RANBP2: variants seen among roughly 807,000 people sequenced by gnomAD.
The protein encoded by RANBP2 is E3 SUMO-protein ligase RanBP2.
In RANBP2, 57 loss-of-function variants were observed where a neutral mutation model predicts 303.6. The observed-to-expected ratio is 0.19, with a 90% CI of 0.15 to 0.23. RANBP2 has a LOEUF of 0.23. Ranked by LOEUF, RANBP2 falls within the 10% of genes least tolerant of loss-of-function variation. The pLI is 1.00. For synonymous variants in RANBP2, 1,167 were observed against 1,301.5 expected, an observed-to-expected ratio of 0.90 and a Z score of 2.23; for missense variants, 3,138 against 3,780.8, an observed-to-expected ratio of 0.83 and a Z score of 4.46.
the RANBP2 span, among the ~76,000 whole-genome samples, chr2:109,025,798 GA>G: frequency 0.012 from 1,295 of 104,406 alleles, 5 homozygotes; most frequent in Admixed American, 0.017. Flanking sequence ...ACTCCGTCTC[GA>G]AAAAAAAAAA....
the RANBP2 span, among the ~76,000 whole-genome samples, chr2:109,559,487 T>C: frequency 6.6e-6 from 1 of 152,192 alleles, no homozygotes; most frequent in South Asian, 2.1e-4. Context: ...CCCTTTCTAA[T>C]TTCCCCTTCT....
the RANBP2 span, among the ~76,000 whole-genome samples, chr2:109,171,705 TTCCAGAGGCCCAG>T: frequency 6.6e-6 from 1 of 152,242 alleles, no homozygotes; most frequent in African/African-American, 2.4e-5. Flanking sequence ...AGCTAATGCC[TTCCAGAGGCCCAG>T]CCCCTGCGCC....
the RANBP2 span, among the ~76,000 whole-genome samples, chr2:109,302,458 C>T: frequency 6.6e-6 from 1 of 152,242 alleles, no homozygotes; most frequent in Admixed American, 6.5e-5. Context: ...AATAACCAGG[C>T]ACAACATGTG....
chr2:109,405,481 G>A, the RANBP2 span, among the ~76,000 whole-genome samples: 8 of 152,080 alleles, frequency 5.3e-5, no homozygotes, highest in Non-Finnish European at 1.0e-4. Flanking sequence ...GTGAGCCTGT[G>A]CAGATCTTCT....
the RANBP2 span, among the ~76,000 whole-genome samples, chr2:109,514,209 A>C: frequency 3.9e-5 from 6 of 152,144 alleles, no homozygotes; most frequent in Non-Finnish European, 8.8e-5. Context: ...AACGCCCTGG[A>C]AACTCCCATG....
At chr2:108,977,361 C>T in the RANBP2 span, among the ~76,000 whole-genome samples, 5 of 152,194 alleles carry the variant, frequency 3.3e-5, no homozygotes, top group East Asian at 1.9e-4. Flanking sequence ...CTGCGCCTCC[C>T]GGGTTCACGC....
At chr2:108,728,277 A>G (rs1181227436) in intron 1 of RANBP2, among the ~76,000 whole-genome samples, 1 of 152,056 alleles carries the variant, frequency 6.6e-6, no homozygotes, top group Non-Finnish European at 1.5e-5. Flanking sequence ...TACTTTCTTG[A>G]ATTTATTTTT....
the RANBP2 span, among the ~76,000 whole-genome samples, chr2:109,229,129 A>G: frequency 6.6e-6 from 1 of 152,154 alleles, no homozygotes; most frequent in Non-Finnish European, 1.5e-5. Context: ...TAGCCCCGCT[A>G]TCACTCAGAA....
the RANBP2 span, among the ~76,000 whole-genome samples, chr2:108,962,097 T>TC: frequency 6.6e-6 from 1 of 152,160 alleles, no homozygotes; most frequent in African/African-American, 2.4e-5. Flanking sequence ...CACAAAGATG[T>TC]CCAAGTGAGA....
At chr2:109,153,911 G>A in the RANBP2 span, among the ~76,000 whole-genome samples, 5 of 152,214 alleles carry the variant, frequency 3.3e-5, no homozygotes, top group Admixed American at 2.0e-4. Context: ...TTGCAGGGCC[G>A]AGGACAAAAT....
the RANBP2 span, among the ~76,000 whole-genome samples, chr2:109,457,608 G>A: frequency 5.9e-3 from 894 of 152,336 alleles, 5 homozygotes; most frequent in African/African-American, 0.021. Context: ...TGGGGCGAGC[G>A]ATGCACACAC....
chr2:108,983,190 T>C, the RANBP2 span, among the ~76,000 whole-genome samples: 1 of 152,226 alleles, frequency 6.6e-6, no homozygotes, highest in East Asian at 1.9e-4. Flanking sequence ...AACAAACACA[T>C]CCCCAAAGTG....
chr2:109,574,446 A>C, the RANBP2 span: 1 of 300,046 alleles, frequency 3.3e-6, no homozygotes, highest in Admixed American at 6.2e-5. Flanking sequence ...TTATCTCTAA[A>C]AAAAAAAAAA....
the RANBP2 span, among the ~76,000 whole-genome samples, chr2:109,439,874 G>T: frequency 6.6e-6 from 1 of 152,194 alleles, no homozygotes; most frequent in Non-Finnish European, 1.5e-5. Context: ...TTGCTAAAGG[G>T]CTGCAAAAGA....
the RANBP2 span, among the ~76,000 whole-genome samples, chr2:109,255,100 G>T: frequency 1.3e-5 from 2 of 152,198 alleles, no homozygotes; most frequent in Non-Finnish European, 2.9e-5. Context: ...TGTCATGGTG[G>T]TGGGAGGTTA....
the RANBP2 span, among the ~76,000 whole-genome samples, chr2:109,048,708 C>T: frequency 2.6e-4 from 39 of 152,128 alleles, no homozygotes; most frequent in African/African-American, 9.2e-4. Flanking sequence ...CACAGACATC[C>T]CTATGGCCCC....
the RANBP2 span, among the ~76,000 whole-genome samples, chr2:108,880,201 AAAC>A: frequency 1.2e-4 from 10 of 85,968 alleles, no homozygotes; most frequent in African/African-American, 3.9e-4. Context: ...TAAAAAAAAA[AAAC>A]AACAACAAAC....
chr2:109,715,518 G>A, the RANBP2 span, among the ~76,000 whole-genome samples: 1 of 152,152 alleles, frequency 6.6e-6, no homozygotes, highest in Non-Finnish European at 1.5e-5. Context: ...AGGTGCACCA[G>A]GCAAGGTGTG....
the RANBP2 span, among the ~76,000 whole-genome samples, chr2:109,153,883 C>T: frequency 5.3e-5 from 8 of 152,276 alleles, no homozygotes; most frequent in East Asian, 1.9e-4. Flanking sequence ...CATTAGCAGT[C>T]GGGACTTGCT....
Sources: allele counts gnomAD v4.1 joint callset (sites outside exome capture counted in the v4.1 genomes callset), GRCh38; gene constraint gnomAD v4.1.1; transcripts MANE v1.5; gene names NCBI Gene and HGNC (gene_info 2026-07-23, HGNC 2026-07-21).